NRP1: variants seen among roughly 807,000 people sequenced by gnomAD.
NRP1 encodes the protein neuropilin-1.
A neutral mutation model predicts 106.7 loss-of-function variants in NRP1; 35 were observed. The observed-to-expected ratio is 0.33, with a 90% CI of 0.25 to 0.43. The LOEUF is 0.43. Among genes scored for constraint, NRP1 ranks in the 20% least tolerant of loss-of-function variants. The pLI, the probability that NRP1 is intolerant of heterozygous loss-of-function variation, is 1.00. For missense variants in NRP1, 1,024 were observed against 1,170.4 expected (o/e 0.87, Z 1.83); for synonymous variants, 437 against 417.9 (o/e 1.05, Z -0.56).
chr10:33,295,309 C>T lies in NRP1; in HGVS notation c.249-24453G>A, dbSNP rs1423490728. Among the ~76,000 whole-genome samples, 5 of 152,198 alleles carry T rather than the reference C, an allele frequency of 3.3e-5. No homozygotes were observed. The East Asian group carries it at 7.7e-4, about 23-fold the overall frequency. On this transcript the variant is annotated intron_variant, in intron 2 of 16. Coordinates refer to ENST00000374867, the MANE Select transcript of NRP1 (RefSeq NM_003873.7). ...GATCTGAACTCGAAAGACCCCGCAT[C>T]CTGGCCTTTGGCAGCATGTTCAAGT...
chr10:33,213,466 T>C lies in NRP1; in HGVS notation c.1534A>G (p.Met512Val), dbSNP rs771375002. ...GGKHRENKVF[M>V]RKFKIGYSNN... Reference sequence around the variant, plus strand: ...CTGTACCCGATCTTGAACTTCCTCATGAACACCTTGTTCTCTCGGTGCTTC... The same window carrying C: ...CTGTACCCGATCTTGAACTTCCTCACGAACACCTTGTTCTCTCGGTGCTTC... Residue 512 changes from methionine to valine, a missense_variant, in exon 9 of 17, where the codon ATG (methionine) becomes GTG (valine). Physicochemically the swap from Met to Val is conservative, Grantham distance 21. Around this residue, in one of 5 missense-constraint regions of NRP1, gnomAD observed 562 missense variants for 620.3 expected, o/e 0.91. Transcript: ENST00000374867. 1.2e-6 allele frequency: 2 copies of C among 1,614,116 alleles called. No individual in the cohort carries two copies. The highest frequency in any genetic ancestry group is 1.1e-5 in the South Asian group (1 of 91,068).
chr10:33,226,694 T>C (rs1839700387), intron 6 of NRP1, among the ~76,000 whole-genome samples: 2 of 152,214 alleles, frequency 1.3e-5, no homozygotes, highest in Admixed American at 1.3e-4. Flanking sequence ...ACATATTCTC[T>C]CTGAAGCCTG....
intron 6 of NRP1, among the ~76,000 whole-genome samples, chr10:33,240,639 G>A (rs1840938501): frequency 1.3e-5 from 2 of 152,128 alleles, no homozygotes; most frequent in South Asian, 4.2e-4. Flanking sequence ...AGTGATCTAG[G>A]TGGGCCTCTC....
intron 2 of NRP1, among the ~76,000 whole-genome samples, chr10:33,305,925 C>T (rs139998287): frequency 0.039 from 5,853 of 151,998 alleles, 398 homozygotes; most frequent in African/African-American, 0.13. Context: ...CATACCACCA[C>T]GCCCGGCTAA....
intron 12 of NRP1, among the ~76,000 whole-genome samples, 185 bp downstream of exon 12, chr10:33,197,465 T>G (rs1272522196): frequency 6.6e-6 from 1 of 152,184 alleles, no homozygotes; most frequent in East Asian, 1.9e-4. Flanking sequence ...GAGAAGGAAA[T>G]CTCACTCCCT....
chr10:33,291,891 CTGTTT>C (rs1269044045), intron 2 of NRP1, among the ~76,000 whole-genome samples: 1 of 151,934 alleles, frequency 6.6e-6, no homozygotes, highest in African/African-American at 2.4e-5. Flanking sequence ...GTTTTTTTGT[CTGTTT>C]TGTTTTGTTT....
chr10:33,182,833 G>GTGCACACACACACACA, intron 15 of NRP1, 85 bp from the exon 16 acceptor site: 1 of 746,334 alleles, frequency 1.3e-6, no homozygotes, highest in East Asian at 2.7e-5. Context: ...TTAGGTACAT[G>GTGCACACACACACACA]CACACACACA....
chr10:33,249,084 G>GTTCTTTTTTTT (rs1841642535), intron 6 of NRP1, among the ~76,000 whole-genome samples: 1 of 72,196 alleles, frequency 1.4e-5, no homozygotes, highest in Admixed American at 1.7e-4. Flanking sequence ...TATGTCTCTT[G>GTTCTTTTTTTT]TTTTTTTTTT....
At chr10:33,266,860 G>A (rs530700695) in intron 3 of NRP1, among the ~76,000 whole-genome samples, 3 of 152,196 alleles carry the variant, frequency 2.0e-5, no homozygotes, top group Admixed American at 1.3e-4. Flanking sequence ...GTGAAACCCC[G>A]TCTCTACTAA....
At chr10:33,220,194 T>G (rs1294714357) in intron 8 of NRP1, among the ~76,000 whole-genome samples, 1 of 152,332 alleles carries the variant, frequency 6.6e-6, no homozygotes, top group Non-Finnish European at 1.5e-5. Flanking sequence ...CAAGTATAGT[T>G]TTTCCTGTTC....
At chr10:33,315,353 G>A (rs1340361655) in intron 2 of NRP1, among the ~76,000 whole-genome samples, 1 of 152,234 alleles carries the variant, frequency 6.6e-6, no homozygotes, top group African/African-American at 2.4e-5. Context: ...GCATTTTACA[G>A]TATGATTAAG....
intron 14 of NRP1, among the ~76,000 whole-genome samples, 164 bp downstream of exon 14, chr10:33,186,053 G>A (rs550401265): frequency 2.0e-5 from 3 of 152,300 alleles, no homozygotes; most frequent in East Asian, 3.9e-4. Context: ...AGGAGACTGT[G>A]AAATCTGCTA....
intron 15 of NRP1, 79 bp from the exon 16 acceptor site, chr10:33,182,827 G>T (rs991984830): frequency 1.7e-5 from 14 of 811,434 alleles, no homozygotes; most frequent in African/African-American, 2.6e-5. Context: ...AAACCTTTAG[G>T]TACATGCACA....
Position 33,263,714 on chromosome 10 carries a change from T to C in NRP1, c.590A>G (p.Asp197Gly). Reference protein sequence around the residue: ...LEFESFDLEPDSNPPGGMFCR... With the variant: ...LEFESFDLEPGSNPPGGMFCR... ...GAACATCCCCCCTGGAGGATTTGAGTCAGGCTCCAGGTCAAAGCTTTCAAA... is the reference window on the plus strand; with the variant it reads ...GAACATCCCCCCTGGAGGATTTGAGCCAGGCTCCAGGTCAAAGCTTTCAAA... The change falls in exon 4 of 17, where the codon GAC becomes GGC. Residue 197 changes from aspartate to glycine, a missense_variant. Asp to Gly is a moderately conservative substitution (Grantham distance 94). This residue lies in a region of NRP1 where 279 missense variants were observed against 327.4 expected (regional missense o/e 0.85). Coordinates refer to ENST00000374867, the MANE Select transcript of NRP1 (RefSeq NM_003873.7). 6.2e-7 allele frequency: 1 copy of C among 1,614,072 alleles called. No homozygotes were observed. Among genetic ancestry groups the C allele is most frequent in the Middle Eastern group, 1.7e-4 (1 of 6,060 alleles).
Position 33,180,330 on chromosome 10 carries a change from C to T in NRP1, c.2518G>A (p.Asp840Asn), listed in dbSNP as rs540022294. ...TPGYEGEGEG[D>N]KNISRKPGNV... ...CCTGGCTTCCTGGAGATGTTCTTGTCACCTTCTCCTTCACCTTCGTATCCT... is the reference window on the plus strand; with the variant it reads ...CCTGGCTTCCTGGAGATGTTCTTGTTACCTTCTCCTTCACCTTCGTATCCT... The change falls in exon 17 of 17, where the codon GAC becomes AAC. Residue 840 changes from aspartate (D) to asparagine (N), a missense_variant. Physicochemically the swap from Asp to Asn is conservative, Grantham distance 23 (BLOSUM62 1). Around this residue, in one of 5 missense-constraint regions of NRP1, gnomAD observed 164 missense variants for 161.4 expected, o/e 1.02. Coordinates refer to ENST00000374867, the MANE Select transcript of NRP1 (RefSeq NM_003873.7). The T allele has an allele frequency of 3.7e-6, 6 of 1,605,078 alleles. No homozygotes were observed. In the East Asian group the frequency reaches 1.3e-4, roughly 36 times the overall value.
intron 2 of NRP1, 51 bp from the exon 3 acceptor site, chr10:33,270,907 T>C (rs1334836713): frequency 6.9e-7 from 1 of 1,444,512 alleles, no homozygotes. Flanking sequence ...AATGCCCTTT[T>C]AATTTCAATA....
chr10:33,280,816 T>C (rs557040844), intron 2 of NRP1, among the ~76,000 whole-genome samples: 35 of 152,094 alleles, frequency 2.3e-4, no homozygotes, highest in Non-Finnish European at 4.7e-4. Flanking sequence ...AGCCCGTCTC[T>C]ACCAAAAATA....
chr10:33,223,842 G>C (rs2132916821), intron 7 of NRP1, among the ~76,000 whole-genome samples: 1 of 152,294 alleles, frequency 6.6e-6, no homozygotes, highest in South Asian at 2.1e-4. Context: ...TCTCCTTATG[G>C]GGGCAATGAG....
chr10:33,270,657 C>T lies in NRP1; in HGVS notation c.430+18G>A, dbSNP rs761255275. On this transcript the variant is annotated intron_variant, in intron 3 of 16. Transcript: ENST00000374867. ...GAACTCTTAGTCATTCTTGTTCTAC[C>T]GTAAGCTGTTCACTCACCTCTCTTG... 1.1e-5 allele frequency: 17 copies of T among 1,599,292 alleles called. No homozygotes were observed. The highest frequency in any genetic ancestry group is 8.5e-5 in the Admixed American group (5 of 58,594).
Sources: gnomAD v4.1 joint callset for allele counts (sites outside exome capture counted in the v4.1 genomes callset) on GRCh38, gnomAD v4.1.1 for gene constraint, gnomAD v4.1.1 regional missense constraint, MANE v1.5 for transcripts, NCBI Gene and HGNC (gene_info 2026-07-23, HGNC 2026-07-21) for gene names.